The following NLN variants were observed in gnomAD, a reference collection of about 807,000 sequenced individuals.
NLN encodes the protein neurolysin, mitochondrial.
Under a neutral mutation model 79.9 loss-of-function variants are expected in NLN, and 64 were observed. That is an observed-to-expected ratio of 0.80 (90% CI 0.65 to 0.99). The LOEUF is 0.99. Ranked by LOEUF, NLN falls within the 50% of genes least tolerant of loss-of-function variation. The pLI, the probability that NLN is intolerant of heterozygous loss-of-function variation, is 0.00. For missense variants in NLN, 835 were observed against 858.7 expected (o/e 0.97, Z 0.34); for synonymous variants, 267 against 296.6 (o/e 0.90, Z 1.02).
At chr5:65,738,135 GA>G (rs5868418) in intron 1 of NLN, among the ~76,000 whole-genome samples, 69,342 of 124,588 alleles carry the variant, frequency 0.56, 16,708 homozygotes, top group South Asian at 0.61. Flanking sequence ...TCTCACAAAA[GA>G]AAAAAAAAAA....
rs1760832503 is a variant in NLN at position 65,822,883 on chromosome 5, T to C, written c.2083T>C (p.Phe695Leu). 2.5e-6 allele frequency: 4 copies of C among 1,613,430 alleles called. No homozygotes were observed. Among genetic ancestry groups the C allele is most frequent in the Non-Finnish European group, 3.4e-6 (4 of 1,179,548 alleles). Residue 695 changes from phenylalanine (F) to leucine (L), a missense_variant, in exon 13 of 13, where the codon TTC (phenylalanine) becomes CTC (leucine). Phe to Leu is a conservative substitution (Grantham distance 22). Coordinates refer to ENST00000380985, the MANE Select transcript of NLN (RefSeq NM_020726.5). ...GAAACGTGAGCCAAACCAAAAAGCG[T>C]TCCTAATGAGTAGAGGCCTGCATGC... ...FLKREPNQKA[F>L]LMSRGLHAP is the part of the protein sequence containing the mutation.
In NLN at chr5:65,812,375, G is replaced by T; in HGVS notation, c.1964G>T (p.Gly655Val). The T allele has an allele frequency of 1.3e-6, 2 of 1,553,346 alleles. No homozygotes were observed. The highest frequency in any genetic ancestry group is 1.8e-6 in the Non-Finnish European group (2 of 1,125,362). ...DMFYSCFKKEGIMNPEVGMKY... is the reference protein window; with the variant it reads ...DMFYSCFKKEVIMNPEVGMKY... ...TTTTACAGCTGTTTTAAAAAAGAAG[G>T]GATAATGAATCCAGAGGTATAGTAT... The change falls in exon 12 of 13, where the codon GGG (glycine) becomes GTG (valine). Residue 655 changes from glycine to valine, a missense_variant. Gly to Val is a moderately radical substitution (Grantham distance 109). Transcript: ENST00000380985.
chr5:65,782,532 GA>G (rs1253615661), intron 6 of NLN, among the ~76,000 whole-genome samples: 1 of 152,108 alleles, frequency 6.6e-6, no homozygotes, highest in Non-Finnish European at 1.5e-5. Flanking sequence ...TCCATTTAAT[GA>G]AGTCTGCTTT....
intron 12 of NLN, among the ~76,000 whole-genome samples, chr5:65,812,914 A>T (rs1043848745): frequency 6.6e-6 from 1 of 152,220 alleles, no homozygotes; most frequent in African/African-American, 2.4e-5. Flanking sequence ...TTCTGTATGC[A>T]GTGAATTGAC....
At chr5:65,735,716 AT>A (rs1474495531) in intron 1 of NLN, among the ~76,000 whole-genome samples, 1 of 152,162 alleles carries the variant, frequency 6.6e-6, no homozygotes, top group Non-Finnish European at 1.5e-5. Flanking sequence ...TTTACTTGTC[AT>A]TAAACAATCA....
At chr5:65,821,599 A>C (rs533489078) in intron 12 of NLN, among the ~76,000 whole-genome samples, 80 of 152,326 alleles carry the variant, frequency 5.3e-4, no homozygotes, top group African/African-American at 1.9e-3. Flanking sequence ...TTAAAGTTAC[A>C]TATGTGCTTC....
chr5:65,752,620 G>T lies in NLN; in HGVS notation c.42-5947G>T, dbSNP rs531463917. On this transcript the variant is annotated intron_variant, in intron 1 of 12. Transcript: ENST00000380985. ...GTTCTTTCCAGGGCTGCAGAGGCAC[G>T]GAAGGGGAAGACGAGATCAATGTAC... 2.6e-4 allele frequency among the ~76,000 whole-genome samples: 39 copies of T among 152,272 alleles called. 1 individual carries two copies. In the East Asian group the frequency reaches 7.3e-3, roughly 29 times the overall value.
At chr5:65,785,932 T>C in intron 7 of NLN, 22 bp downstream of exon 7, 1 of 1,599,154 alleles carries the variant, frequency 6.3e-7, no homozygotes, top group Non-Finnish European at 8.5e-7. Context: ...TTTTTTTTTC[T>C]ATGACTGTTT....
At position 65,763,089 on chromosome 5, in the gene NLN, A is replaced by G; in HGVS notation, c.431A>G (p.Glu144Gly). 2 of 1,613,676 alleles carry G rather than the reference A, an allele frequency of 1.2e-6. No homozygotes were observed. The highest frequency in any genetic ancestry group is 1.7e-6 in the Non-Finnish European group (2 of 1,179,732). ...IEMSMRGDIFERIVHLQETCD... is the reference protein window; with the variant it reads ...IEMSMRGDIFGRIVHLQETCD... ...ATGAGCATGAGAGGAGATATATTTG[A>G]GAGAATTGTTCATTTACAGGTAAGT... The change falls in exon 3 of 13, where the codon GAG becomes GGG. Residue 144 changes from glutamate to glycine, a missense_variant. Physicochemically the swap from Glu to Gly is moderately conservative, Grantham distance 98. Coordinates refer to ENST00000380985, the MANE Select transcript of NLN (RefSeq NM_020726.5).
chr5:65,803,273 T>G, intron 9 of NLN, among the ~76,000 whole-genome samples: 1 of 152,142 alleles, frequency 6.6e-6, no homozygotes, highest in East Asian at 1.9e-4. Context: ...TACCACTGTT[T>G]ATGGTGCCCA....
At position 65,809,591 on chromosome 5, in the gene NLN, G is replaced by A; in HGVS notation, c.1604G>A (p.Trp535Ter). The part of the protein sequence containing the change: ...VEVPSQMLEN[W>*]VWDVDSLRRL... Reference sequence around the variant, plus strand: ...GTGCCATCGCAAATGCTTGAAAATTGGGTGTGGGACGTCGATTCCCTCCGA... The same window carrying A: ...GTGCCATCGCAAATGCTTGAAAATTAGGTGTGGGACGTCGATTCCCTCCGA... The change falls in exon 10 of 13, where the codon TGG (tryptophan) becomes TAG (stop). Residue 535 changes from tryptophan (W) to a stop codon, truncating the protein, a stop_gained. Transcript: ENST00000380985. LOFTEE classifies it high-confidence loss of function. 6.2e-7 allele frequency: 1 copy of A among 1,613,932 alleles called. No individual in the cohort carries two copies. The highest frequency in any genetic ancestry group is 8.5e-7 in the Non-Finnish European group (1 of 1,179,950).
rs1431134920 is a variant in NLN at position 65,828,472 on chromosome 5, T to C, written c.*5557T>C. Reference sequence around the variant, plus strand: ...TAGGGAAGTTCAGTCTGGAGATAATTCAGAAATACAGATGATAATTGTTTT... The same window carrying C: ...TAGGGAAGTTCAGTCTGGAGATAATCCAGAAATACAGATGATAATTGTTTT... On this transcript the variant is annotated 3_prime_UTR_variant, in exon 13 of 13. Coordinates refer to ENST00000380985, the MANE Select transcript of NLN (RefSeq NM_020726.5). The C allele has an allele frequency of 6.6e-6, 1 of 152,194 alleles. No individual in the cohort carries two copies. The highest frequency in any genetic ancestry group is 1.5e-5 in the Non-Finnish European group (1 of 68,020). 9.4% of individuals were successfully genotyped at this position (152,194 alleles called of 1,614,324 possible).
At chr5:65,774,012 A>G (rs1270523567) in intron 3 of NLN, among the ~76,000 whole-genome samples, 2 of 151,776 alleles carry the variant, frequency 1.3e-5, no homozygotes, top group Non-Finnish European at 2.9e-5. Flanking sequence ...ATGGTAATAC[A>G]GTAGTATGGT....
intron 3 of NLN, among the ~76,000 whole-genome samples, chr5:65,772,356 C>T (rs1366849445): frequency 6.6e-6 from 1 of 152,194 alleles, no homozygotes; most frequent in African/African-American, 2.4e-5. Context: ...GTGTGTTGAA[C>T]TGAACTAGCC....
chr5:65,722,723 A>G lies in NLN; in HGVS notation c.41+309A>G, dbSNP rs540435002. 1.0e-3 allele frequency: 413 copies of G among 406,822 alleles called. 4 individuals carry two copies. The highest frequency in any genetic ancestry group is 7.9e-3 in the African/African-American group (373 of 47,080). The allele number at this position is 406,822 out of a possible 1,614,324, so 25.2% of individuals were successfully genotyped here. A position where few individuals can be genotyped will look rare whatever the true frequency, so the allele number is the denominator to read the frequency against. On this transcript the variant is annotated intron_variant, in intron 1 of 12. Coordinates refer to ENST00000380985, the MANE Select transcript of NLN (RefSeq NM_020726.5). ...TGCAAATAGTTTGGATAAGAAAATC[A>G]TTTCACGTTCAATCCCAATGCAGAA...
chr5:65,784,504 A>T (rs1561200534), intron 6 of NLN, among the ~76,000 whole-genome samples: 1 of 152,170 alleles, frequency 6.6e-6, no homozygotes. Context: ...ATCGGCATTC[A>T]GTGTCTAGAA....
At chr5:65,750,145 A>G (rs544934384) in intron 1 of NLN, among the ~76,000 whole-genome samples, 16 of 152,220 alleles carry the variant, frequency 1.1e-4, no homozygotes, top group Non-Finnish European at 2.1e-4. Context: ...GTGGAATCTC[A>G]GGAATGGGAT....
At position 65,797,367 on chromosome 5, in the gene NLN, G is replaced by T. The variant is rs543415342; in HGVS notation, c.1527+4712G>T. Among the ~76,000 whole-genome samples the T allele has an allele frequency of 3.9e-5, 6 of 152,336 alleles. No homozygotes were observed. In the South Asian group the frequency reaches 1.2e-3, roughly 32 times the overall value. ...AGAAGAACTTCAAATTGTGTGACAT[G>T]AAATCATTAATTTGGTTAAAAACTA... On this transcript the variant is annotated intron_variant, in intron 9 of 12. Transcript: ENST00000380985.
intron 1 of NLN, among the ~76,000 whole-genome samples, chr5:65,739,964 G>C (rs1222166419): frequency 6.6e-6 from 1 of 152,004 alleles, no homozygotes; most frequent in Non-Finnish European, 1.5e-5. Flanking sequence ...TCTTCATTCT[G>C]TTTATTGTTT....
Sources: gnomAD v4.1 joint callset for allele counts (sites outside exome capture counted in the v4.1 genomes callset) on GRCh38, gnomAD v4.1.1 for gene constraint, MANE v1.5 for transcripts, NCBI Gene and HGNC (gene_info 2026-07-23, HGNC 2026-07-21) for gene names.